Variants in ATP8A2 observed in about 807,000 individuals in gnomAD.
ATP8A2 encodes the protein phospholipid-transporting ATPase IB.
ATP8A2 carries 100 observed loss-of-function variants against 165.6 expected under a neutral mutation model. That is an observed-to-expected ratio of 0.60 (90% confidence interval 0.51 to 0.71). The LOEUF (loss-of-function observed/expected upper bound fraction) is 0.71. Among genes scored for constraint, ATP8A2 ranks in the 30% least tolerant of loss-of-function variants. The probability of loss-of-function intolerance (pLI) is 0.00; values close to 1 mark genes in which losing one functional copy is unlikely to be tolerated. For synonymous variants in ATP8A2, 543 were observed against 548.8 expected, an observed-to-expected ratio of 0.99 and a Z score of 0.15; for missense variants, 1,227 against 1,479.5, an observed-to-expected ratio of 0.83 and a Z score of 2.80.
intron 1 of ATP8A2, among the ~76,000 whole-genome samples, chr13:25,449,010 A>G (rs2035142128): frequency 6.6e-6 from 1 of 152,152 alleles, no homozygotes; most frequent in South Asian, 2.1e-4. Context: ...TTTTGCTATT[A>G]TAAACAATAC....
chr13:25,419,096 C>A (rs1176053551), intron 1 of ATP8A2, among the ~76,000 whole-genome samples: 1 of 152,100 alleles, frequency 6.6e-6, no homozygotes, highest in East Asian at 1.9e-4. Flanking sequence ...TGTGCACGCA[C>A]GTGTTGAGGA....
intron 35 of ATP8A2, among the ~76,000 whole-genome samples, chr13:25,972,114 A>C (rs1389594597): frequency 6.6e-6 from 1 of 152,228 alleles, no homozygotes; most frequent in Non-Finnish European, 1.5e-5. Context: ...TAATCTTTTT[A>C]GAAAACCCTC....
intron 25 of ATP8A2, among the ~76,000 whole-genome samples, chr13:25,747,719 C>T (rs1406485304): frequency 6.6e-6 from 1 of 152,110 alleles, no homozygotes; most frequent in Non-Finnish European, 1.5e-5. Flanking sequence ...TTCATTTAAC[C>T]TTTAAAATCC....
chr13:25,397,139 T>A (rs2033454656), intron 1 of ATP8A2, among the ~76,000 whole-genome samples: 1 of 152,192 alleles, frequency 6.6e-6, no homozygotes, highest in South Asian at 2.1e-4. Context: ...GGTCAGTGCC[T>A]CCTTATCTCA....
At chr13:25,949,530 T>C (rs1366161781) in intron 33 of ATP8A2, among the ~76,000 whole-genome samples, 4 of 152,152 alleles carry the variant, frequency 2.6e-5, no homozygotes, top group Non-Finnish European at 4.4e-5. Context: ...AATCTAGAAA[T>C]AGTGATTGTT....
chr13:25,948,520 G>A (rs1955269183), intron 33 of ATP8A2, among the ~76,000 whole-genome samples: 1 of 152,106 alleles, frequency 6.6e-6, no homozygotes, highest in Admixed American at 6.6e-5. Flanking sequence ...TGGAGCCCCG[G>A]CAGCCTGCTC....
In ATP8A2 at chr13:25,837,171, C is replaced by G. The variant is rs375411072; in HGVS notation, c.2763C>G (p.Thr921=). 2 of 1,613,618 alleles carry G rather than the reference C, an allele frequency of 1.2e-6. No homozygotes were observed. Among genetic ancestry groups the G allele is most frequent in the East Asian group, 2.2e-5 (1 of 44,868 alleles). The change falls in exon 29 of 37, where the codon ACC becomes ACG. Residue 921 remains threonine (T), a synonymous_variant. Coordinates refer to ENST00000381655, the MANE Select transcript of ATP8A2 (RefSeq NM_016529.6). Reference sequence around the variant, plus strand: ...CATTGTTCTCCCTGCAGATTTTCACCGCTTTGCCGCCCTTCACTCTGGGAA... The same window carrying G: ...CATTGTTCTCCCTGCAGATTTTCACGGCTTTGCCGCCCTTCACTCTGGGAA... ...WCIGLYNVIF[T]ALPPFTLGIF... is the part of the protein sequence containing the mutation.
Position 25,577,049 on chromosome 13 carries a change from T to C in ATP8A2, c.1713-20T>C. On this transcript the variant is annotated intron_variant, in intron 19 of 36. Coordinates refer to ENST00000381655, the MANE Select transcript of ATP8A2 (RefSeq NM_016529.6). ...CCTGTAAACAGACCAATGATGACTTTTTTTTTTTCACTCTCCCAGTGACAG... is the reference window on the plus strand; with the variant it reads ...CCTGTAAACAGACCAATGATGACTTCTTTTTTTTCACTCTCCCAGTGACAG... The C allele has an allele frequency of 6.2e-7, 1 of 1,608,192 alleles. No homozygotes were observed. Among genetic ancestry groups the C allele is most frequent in the South Asian group, 1.1e-5 (1 of 90,792 alleles).
rs543114810 is a variant in ATP8A2 at position 25,773,392 on chromosome 13, C to T, written c.2569-1457C>T. Reference sequence around the variant, plus strand: ...GAGAAACTCGTTTCCCTCCCTCCAGCGCAAGGTTTACACTTTTTGGGACCT... The same window carrying T: ...GAGAAACTCGTTTCCCTCCCTCCAGTGCAAGGTTTACACTTTTTGGGACCT... On this transcript the variant is annotated intron_variant, in intron 26 of 36. Coordinates refer to ENST00000381655, the MANE Select transcript of ATP8A2 (RefSeq NM_016529.6). Among the ~76,000 whole-genome samples, 198 of 152,322 alleles carry T rather than the reference C, an allele frequency of 1.3e-3. 1 individual carries two copies. The South Asian group carries it at 0.04, about 31-fold the overall frequency.
intron 23 of ATP8A2, among the ~76,000 whole-genome samples, chr13:25,583,740 TG>T (rs1460793072): frequency 6.6e-6 from 1 of 152,224 alleles, no homozygotes; most frequent in Non-Finnish European, 1.5e-5. Flanking sequence ...AAGTTTTACT[TG>T]TATGTGATGA....
At chr13:25,908,081 C>A (rs993693151) in intron 33 of ATP8A2, among the ~76,000 whole-genome samples, 2 of 152,154 alleles carry the variant, frequency 1.3e-5, no homozygotes, top group Non-Finnish European at 2.9e-5. Flanking sequence ...CCCTAGCAGA[C>A]TATCAAAATT....
At chr13:25,963,311 T>G (rs892331656) in intron 34 of ATP8A2, among the ~76,000 whole-genome samples, 1 of 150,992 alleles carries the variant, frequency 6.6e-6, no homozygotes. Context: ...GGAGAATCGC[T>G]TGAACCTGGG....
intron 1 of ATP8A2, among the ~76,000 whole-genome samples, chr13:25,422,375 A>T (rs1048716462): frequency 6.6e-6 from 1 of 152,192 alleles, no homozygotes; most frequent in African/African-American, 2.4e-5. Context: ...TTGAGAGCAC[A>T]CACTTGGAAG....
intron 2 of ATP8A2, among the ~76,000 whole-genome samples, chr13:25,526,715 G>A (rs1027072249): frequency 6.6e-6 from 1 of 152,206 alleles, no homozygotes; most frequent in Non-Finnish European, 1.5e-5. Context: ...CTGCAATTTG[G>A]TATCTCTTTG....
rs188869992 is a variant in ATP8A2 at position 25,899,797 on chromosome 13, G to A, written c.3183+37389G>A. ...CAAGAAACTTGATTTTCCTGCAGAT[G>A]GGATGGAGAGTCTTTGGAGAGCTTT... On this transcript the variant is annotated intron_variant, in intron 33 of 36. Coordinates refer to ENST00000381655, the MANE Select transcript of ATP8A2 (RefSeq NM_016529.6). 4.6e-5 allele frequency among the ~76,000 whole-genome samples: 7 copies of A among 152,346 alleles called. No homozygotes were observed. In the East Asian group the frequency reaches 1.2e-3, roughly 25 times the overall value.
intron 2 of ATP8A2, among the ~76,000 whole-genome samples, chr13:25,513,817 C>T (rs189991018): frequency 0.12 from 18,048 of 152,244 alleles, 1,342 homozygotes; most frequent in Non-Finnish European, 0.18. Context: ...ACCAGTCAGG[C>T]GTGGCGGCGC....
chr13:25,622,650 C>T (rs758883142), intron 24 of ATP8A2, among the ~76,000 whole-genome samples: 5 of 152,190 alleles, frequency 3.3e-5, no homozygotes, highest in Non-Finnish European at 7.3e-5. Context: ...TATCTGACCT[C>T]ATGTGACAGG....
In ATP8A2 at chr13:26,023,488, G is replaced by C. The variant is rs903167368; in HGVS notation, c.*3503G>C. 6.6e-5 allele frequency: 10 copies of C among 152,126 alleles called. No individual in the cohort carries two copies. Among genetic ancestry groups the C allele is most frequent in the African/African-American group, 2.4e-4 (10 of 41,410 alleles). The allele number at this position is 152,126 out of a possible 1,614,324, so 9.4% of individuals were successfully genotyped here. On this transcript the variant is annotated 3_prime_UTR_variant, in exon 37 of 37. Transcript: ENST00000381655. Reference sequence around the variant, plus strand: ...GTCAAGAAGCAGTGAAAAATGCGGGGGGGTGGAAAGAGCCTAGGTAACTAA... The same window carrying C: ...GTCAAGAAGCAGTGAAAAATGCGGGCGGGTGGAAAGAGCCTAGGTAACTAA...
chr13:25,610,331 G>A (rs1365972177), intron 24 of ATP8A2, among the ~76,000 whole-genome samples: 3 of 152,014 alleles, frequency 2.0e-5, no homozygotes. Flanking sequence ...TCTTCTACAT[G>A]TGGCTTGTCA....
Sources: allele counts gnomAD v4.1 joint callset (sites outside exome capture counted in the v4.1 genomes callset), GRCh38; gene constraint gnomAD v4.1.1; transcripts MANE v1.5; gene names NCBI Gene and HGNC (gene_info 2026-07-23, HGNC 2026-07-21).